Variants in INPP5F observed in about 807,000 individuals in gnomAD.
INPP5F encodes the protein phosphatidylinositide 4-phosphatase SAC2.
In INPP5F, 97 loss-of-function variants were observed where a neutral mutation model predicts 137.2. The ratio of observed to expected loss-of-function variants is 0.71; its 90% CI spans 0.60 to 0.84. INPP5F has a LOEUF of 0.84. Among genes scored for constraint, INPP5F ranks in the 40% least tolerant of loss-of-function variants. The pLI is 0.00. For synonymous variants in INPP5F, 504 were observed against 476.9 expected (o/e 1.06, Z -0.74); for missense variants, 1,271 against 1,371.9 (o/e 0.93, Z 1.16).
intron 6 of INPP5F, among the ~76,000 whole-genome samples, chr10:119,795,055 G>A (rs1198331620): frequency 1.9e-4 from 26 of 137,662 alleles, no homozygotes; most frequent in Admixed American, 1.6e-3. Flanking sequence ...TCCCGGATGG[G>A]GCGGCTGGCC....
Position 119,828,650 on chromosome 10 carries a change from G to A in INPP5F, c.*870G>A, listed in dbSNP as rs1342867669. 1 of 152,158 alleles carries A rather than the reference G, an allele frequency of 6.6e-6. No homozygotes were observed. The highest frequency in any genetic ancestry group is 1.9e-4 in the East Asian group (1 of 5,188). The allele number at this position is 152,158 out of a possible 1,614,324, so 9.4% of individuals were successfully genotyped here. A position where few individuals can be genotyped will look rare whatever the true frequency, so the allele number is the denominator to read the frequency against. ...TCACACCTATAATCCCAACACTTTG[G>A]GAGGCCAGGAGTTTTGAGACCAGCC... On this transcript the variant is annotated 3_prime_UTR_variant, in exon 20 of 20. Coordinates refer to ENST00000650623, the MANE Select transcript of INPP5F (RefSeq NM_014937.4).
chr10:119,737,205 C>T (rs1848240029), intron 1 of INPP5F, among the ~76,000 whole-genome samples: 1 of 152,136 alleles, frequency 6.6e-6, no homozygotes, highest in South Asian at 2.1e-4. Flanking sequence ...AAGTGTATTT[C>T]CTTCTGCTAG....
At position 119,748,194 on chromosome 10, in the gene INPP5F, C is replaced by T. The variant is rs1848594077; in HGVS notation, c.98-2882C>T. Among the ~76,000 whole-genome samples the T allele has an allele frequency of 1.3e-5, 2 of 152,222 alleles. No individual in the cohort carries two copies. On this transcript the variant is annotated intron_variant, in intron 1 of 19. Transcript: ENST00000650623. This position sits in a 1 kb window ranked among gnomAD's most constrained non-coding sequence, Gnocchi z 4.7. Reference sequence around the variant, plus strand: ...GTGGCAGGGCAGGCAGCTCCAGGCACCGGTACAGGCACTGGCTTTGTGCAA... The same window carrying T: ...GTGGCAGGGCAGGCAGCTCCAGGCATCGGTACAGGCACTGGCTTTGTGCAA...
intron 19 of INPP5F, among the ~76,000 whole-genome samples, chr10:119,825,596 C>G (rs1276753870): frequency 6.6e-6 from 1 of 152,136 alleles, no homozygotes; most frequent in African/African-American, 2.4e-5. Flanking sequence ...CCTAAGTAAA[C>G]TGATGAGAGG....
chr10:119,733,895 C>T (rs567552425), intron 1 of INPP5F, among the ~76,000 whole-genome samples: 2 of 152,246 alleles, frequency 1.3e-5, no homozygotes, highest in Admixed American at 1.3e-4. Flanking sequence ...AGCACCTGGC[C>T]CATAACAGGT....
intron 1 of INPP5F, among the ~76,000 whole-genome samples, chr10:119,743,002 AAAAG>A (rs758248514): frequency 2.6e-4 from 40 of 152,222 alleles, no homozygotes; most frequent in African/African-American, 7.0e-4. Flanking sequence ...GGCTAAGAAA[AAAAG>A]AAAGAAAGAA....
chr10:119,808,277 T>A (rs1380939910), intron 13 of INPP5F, among the ~76,000 whole-genome samples: 3 of 152,138 alleles, frequency 2.0e-5, no homozygotes, highest in Non-Finnish European at 4.4e-5. Flanking sequence ...AGGAGGAGTG[T>A]GTGCTCTCTC....
At chr10:119,819,336 A>ACT (rs1851450337) in intron 15 of INPP5F, 2 of 1,190,252 alleles carry the variant, frequency 1.7e-6, no homozygotes, top group Non-Finnish European at 2.1e-6. Flanking sequence ...ACATTTTCCG[A>ACT]CTGCCTGTTA....
intron 2 of INPP5F, among the ~76,000 whole-genome samples, chr10:119,761,876 A>G (rs937057910): frequency 6.6e-6 from 1 of 152,224 alleles, no homozygotes; most frequent in Non-Finnish European, 1.5e-5. Context: ...GGAATAAACT[A>G]TTAAGATATT....
chr10:119,798,738 G>T, intron 9 of INPP5F, 128 bp downstream of exon 9: 6 of 349,404 alleles, frequency 1.7e-5, no homozygotes, highest in African/African-American at 4.5e-5. Flanking sequence ...ACACATTTAA[G>T]CTAAGAGTTT....
chr10:119,753,977 T>G (rs1051677336), intron 2 of INPP5F, among the ~76,000 whole-genome samples: 1 of 152,236 alleles, frequency 6.6e-6, no homozygotes, highest in Non-Finnish European at 1.5e-5. Context: ...TCTTTTATTC[T>G]TCTCTCTTTT....
intron 2 of INPP5F, among the ~76,000 whole-genome samples, chr10:119,764,820 C>T (rs367618508): frequency 9.9e-5 from 15 of 152,098 alleles, no homozygotes; most frequent in South Asian, 4.1e-4. Flanking sequence ...TCAGCTGATC[C>T]GCCTGTCTTG....
intron 2 of INPP5F, among the ~76,000 whole-genome samples, chr10:119,769,232 C>T (rs1361539592): frequency 2.0e-5 from 3 of 152,076 alleles, no homozygotes; most frequent in Non-Finnish European, 2.9e-5. Context: ...TCTAGAAATA[C>T]GTAGTTGCAG....
At chr10:119,820,547 A>G (rs951995952) in intron 15 of INPP5F, among the ~76,000 whole-genome samples, 1 of 152,102 alleles carries the variant, frequency 6.6e-6, no homozygotes, top group Admixed American at 6.6e-5. Flanking sequence ...ATCATCCTCC[A>G]ATACCACCAG....
At chr10:119,819,058 T>C (rs1589754236) in intron 15 of INPP5F, 1 of 153,392 alleles carries the variant, frequency 6.5e-6, no homozygotes, top group Non-Finnish European at 1.5e-5. Context: ...TCGGGCTTCA[T>C]GTGGTGCTGG....
intron 15 of INPP5F, chr10:119,819,668 C>A: frequency 1.8e-6 from 1 of 557,646 alleles, no homozygotes; most frequent in South Asian, 4.6e-5. Flanking sequence ...CTCCTAGAAT[C>A]GATCTGTGTG....
At chr10:119,795,633 A>G (rs1445090434) in intron 6 of INPP5F, among the ~76,000 whole-genome samples, 1 of 140,382 alleles carries the variant, frequency 7.1e-6, no homozygotes, top group Non-Finnish European at 1.5e-5. Context: ...ATCCCAGACG[A>G]TGGGTGGCCA....
intron 2 of INPP5F, among the ~76,000 whole-genome samples, chr10:119,765,432 C>T (rs1340342077): frequency 6.6e-6 from 1 of 151,852 alleles, no homozygotes; most frequent in Non-Finnish European, 1.5e-5. Context: ...AGTGAAGTGG[C>T]GTGATCTCAG....
At chr10:119,820,494 T>A (rs1159138425) in intron 15 of INPP5F, among the ~76,000 whole-genome samples, 1 of 152,220 alleles carries the variant, frequency 6.6e-6, no homozygotes, top group Admixed American at 6.5e-5. Context: ...TTCTCCCTTC[T>A]CACTCTCACG....
Sources: gnomAD v4.1 joint callset for allele counts (sites outside exome capture counted in the v4.1 genomes callset) on GRCh38, gnomAD v4.1.1 for gene constraint, Gnocchi (gnomAD v3.1) non-coding constraint, MANE v1.5 for transcripts, NCBI Gene and HGNC (gene_info 2026-07-23, HGNC 2026-07-21) for gene names.